Variants in DPP10 observed in about 807,000 individuals in gnomAD.
The protein encoded by DPP10 is inactive dipeptidyl peptidase 10.
In DPP10, 33 loss-of-function variants were observed where a neutral mutation model predicts 120.9. The observed-to-expected ratio is 0.27, with a 90% CI of 0.21 to 0.37. DPP10 has a LOEUF of 0.37. Among genes scored for constraint, DPP10 ranks in the 10% least tolerant of loss-of-function variants. The probability of loss-of-function intolerance (pLI) is 1.00; values close to 1 mark genes in which losing one functional copy is unlikely to be tolerated. For synonymous variants in DPP10, 337 were observed against 326.1 expected, an observed-to-expected ratio of 1.03 and a Z score of -0.36; for missense variants, 816 against 942.8, an observed-to-expected ratio of 0.87 and a Z score of 1.76.
At chr2:115,414,925 A>G (rs910070394) in intron 3 of DPP10, among the ~76,000 whole-genome samples, 2 of 152,050 alleles carry the variant, frequency 1.3e-5, no homozygotes, top group African/African-American at 4.8e-5. Context: ...CCAATATCTC[A>G]ATTTCCACGG....
intron 19 of DPP10, among the ~76,000 whole-genome samples, chr2:115,810,355 T>A (rs1686500701): frequency 6.6e-6 from 1 of 152,196 alleles, no homozygotes. Context: ...CTTTTTAGAA[T>A]TTAATTGAAA....
At chr2:114,734,864 C>A (rs1677267071) in intron 1 of DPP10, among the ~76,000 whole-genome samples, 1 of 152,118 alleles carries the variant, frequency 6.6e-6, no homozygotes, top group Admixed American at 6.6e-5. Flanking sequence ...AGTTAAATAA[C>A]AGAAATTTAT....
chr2:114,459,858 A>G (rs1218577137), intron 1 of DPP10, among the ~76,000 whole-genome samples: 2 of 152,106 alleles, frequency 1.3e-5, no homozygotes, highest in African/African-American at 4.8e-5. Flanking sequence ...ATGTCCTGTT[A>G]TCATGGTGAC....
chr2:114,643,943 T>A (rs1350757053), intron 1 of DPP10, among the ~76,000 whole-genome samples: 25 of 144,894 alleles, frequency 1.7e-4, no homozygotes, highest in African/African-American at 5.9e-4. Flanking sequence ...ATATTTTTTT[T>A]TTTTTTTTTG....
At chr2:115,594,082 C>T (rs540913611) in intron 5 of DPP10, among the ~76,000 whole-genome samples, 1 of 152,240 alleles carries the variant, frequency 6.6e-6, no homozygotes, top group African/African-American at 2.4e-5. Flanking sequence ...TGCAAAGTAA[C>T]CATGTAGACA....
intron 1 of DPP10, among the ~76,000 whole-genome samples, chr2:114,977,432 C>T (rs1303858923): frequency 6.6e-6 from 1 of 152,122 alleles, no homozygotes; most frequent in East Asian, 1.9e-4. Flanking sequence ...ACGGTGGATA[C>T]TAAAAATAAT....
chr2:115,640,063 G>C (rs1479156412), intron 5 of DPP10, among the ~76,000 whole-genome samples: 1 of 150,948 alleles, frequency 6.6e-6, no homozygotes, highest in East Asian at 2.0e-4. Flanking sequence ...CTCTAATTTA[G>C]ATCTACTTGA....
At chr2:115,209,418 G>T (rs1378431181) in intron 1 of DPP10, among the ~76,000 whole-genome samples, 1 of 152,044 alleles carries the variant, frequency 6.6e-6, no homozygotes, top group Non-Finnish European at 1.5e-5. Flanking sequence ...ACATATATAT[G>T]CACAAACATA....
intron 1 of DPP10, among the ~76,000 whole-genome samples, chr2:114,645,479 T>C (rs1476290017): frequency 6.6e-6 from 1 of 152,230 alleles, no homozygotes; most frequent in Non-Finnish European, 1.5e-5. Flanking sequence ...AAGCATAACC[T>C]GCTTCTCTTA....
intron 1 of DPP10, among the ~76,000 whole-genome samples, chr2:114,878,595 C>G (rs1044009184): frequency 6.6e-6 from 1 of 152,078 alleles, no homozygotes; most frequent in African/African-American, 2.4e-5. Context: ...CCTTCACACA[C>G]TTTCTAGACT....
At chr2:115,472,926 C>T (rs2074828218) in intron 3 of DPP10, among the ~76,000 whole-genome samples, 1 of 152,156 alleles carries the variant, frequency 6.6e-6, no homozygotes, top group African/African-American at 2.4e-5. Context: ...GACTTCTGAG[C>T]AGGTCATACA....
intron 1 of DPP10, among the ~76,000 whole-genome samples, chr2:114,931,183 T>C (rs1696041321): frequency 6.6e-6 from 1 of 152,206 alleles, no homozygotes; most frequent in Non-Finnish European, 1.5e-5. Flanking sequence ...ATCTCATTCC[T>C]TGGTACCAAT....
chr2:114,765,916 T>C (rs1457265065), intron 1 of DPP10, among the ~76,000 whole-genome samples: 1 of 152,116 alleles, frequency 6.6e-6, no homozygotes, highest in Non-Finnish European at 1.5e-5. Flanking sequence ...GAAATCTTAT[T>C]CTTTTTTGCC....
chr2:115,812,408 C>G (rs1196920183), intron 19 of DPP10, among the ~76,000 whole-genome samples: 2 of 152,114 alleles, frequency 1.3e-5, no homozygotes, highest in East Asian at 3.8e-4. Context: ...AGGCATGATT[C>G]GTGCTAGTTC....
intron 1 of DPP10, among the ~76,000 whole-genome samples, chr2:114,605,632 T>A (rs1692723624): frequency 6.6e-6 from 1 of 152,096 alleles, no homozygotes; most frequent in Non-Finnish European, 1.5e-5. Context: ...GTACTCAGAT[T>A]TTGAATGCAC....
chr2:115,817,215 C>G (rs921298807), intron 21 of DPP10, among the ~76,000 whole-genome samples: 10 of 151,220 alleles, frequency 6.6e-5, no homozygotes, highest in Non-Finnish European at 1.0e-4. Flanking sequence ...CCACCGCACT[C>G]CAGCCTGGGC....
intron 1 of DPP10, among the ~76,000 whole-genome samples, chr2:114,838,721 G>C (rs1002052242): frequency 6.6e-6 from 1 of 152,238 alleles, no homozygotes; most frequent in East Asian, 1.9e-4. Flanking sequence ...GATGCTGAAG[G>C]CATATTTGAG....
In DPP10 at chr2:114,931,746, A is replaced by G. The variant is rs541023859; in HGVS notation, c.61-377493A>G. Among the ~76,000 whole-genome samples the G allele has an allele frequency of 2.0e-5, 3 of 152,350 alleles. No homozygotes were observed. In the East Asian group the frequency reaches 5.8e-4, roughly 29 times the overall value. ...ACTAACTGCCTGTCCTTTGACAGTA[A>G]GTTAACCAAGCTGCATGTCAGGATC... On this transcript the variant is annotated intron_variant, in intron 1 of 25. Coordinates refer to ENST00000410059, the MANE Select transcript of DPP10 (RefSeq NM_020868.6).
At chr2:114,711,630 T>C (rs1370331833) in intron 1 of DPP10, among the ~76,000 whole-genome samples, 1 of 152,226 alleles carries the variant, frequency 6.6e-6, no homozygotes, top group Non-Finnish European at 1.5e-5. Context: ...CTATGATGTT[T>C]ACTAATAGAA....
Sources: gnomAD v4.1 joint callset for allele counts (sites outside exome capture counted in the v4.1 genomes callset) on GRCh38, gnomAD v4.1.1 for gene constraint, MANE v1.5 for transcripts, NCBI Gene and HGNC (gene_info 2026-07-23, HGNC 2026-07-21) for gene names.